The following CACNB4 variants were observed in gnomAD, a reference collection of about 807,000 sequenced individuals.
CACNB4 encodes voltage-dependent L-type calcium channel subunit beta-4.
CACNB4 carries 32 observed loss-of-function variants against 71.2 expected under a neutral mutation model. That is an observed-to-expected ratio of 0.45 (90% CI 0.34 to 0.60). The LOEUF (loss-of-function observed/expected upper bound fraction) is 0.60. CACNB4 is among the 20% of genes least tolerant of loss of function. The pLI is 0.01. For synonymous variants in CACNB4, 231 were observed against 236.9 expected, an observed-to-expected ratio of 0.97 and a Z score of 0.23; for missense variants, 464 against 647.9, an observed-to-expected ratio of 0.72 and a Z score of 3.08.
chr2:151,850,426 T>C (rs4664503), intron 12 of CACNB4: 152,488 of 152,564 alleles, frequency 1, 76,206 homozygotes, highest in Non-Finnish European at 1. Context: ...AGGCATGAGC[T>C]ACTGCACCTG....
chr2:151,853,656 G>A (rs1026360048), intron 11 of CACNB4, 113 bp from the exon 12 acceptor site: 1 of 625,270 alleles, frequency 1.6e-6, no homozygotes, highest in Admixed American at 3.5e-5. Flanking sequence ...GAGAGGAAAT[G>A]CAGTGTGAGA....
In CACNB4 at chr2:151,838,917, T is replaced by C. The variant is rs866330094; in HGVS notation, c.*202A>G. 1.6e-4 allele frequency: 73 copies of C among 467,296 alleles called. No individual in the cohort carries two copies. In the Middle Eastern group the frequency reaches 1.6e-3, roughly 11 times the overall value. The allele number at this position is 467,296 out of a possible 1,614,324, so 28.9% of individuals were successfully genotyped here. On this transcript the variant is annotated 3_prime_UTR_variant, in exon 14 of 14. Coordinates refer to ENST00000539935, the MANE Select transcript of CACNB4 (RefSeq NM_000726.5). ...CATGTAAATGTTGCACTTAAAAATA[T>C]CTATATGATCGGGCATCTAATATCC... is the stretch of plus-strand genomic sequence containing the variant.
Position 152,098,816 on chromosome 2 carries a change from G to A in CACNB4, c.63+133C>T. The stretch of plus-strand genomic sequence containing the variant: ...GAGAAAGGGACGTGGAGGAGGGGTG[G>A]GGGGAGCGGGGCCGCCGACTCCCGG... On this transcript the variant is annotated intron_variant, in intron 1 of 13. Transcript: ENST00000539935. This position sits in a 1 kb window ranked among gnomAD's most constrained non-coding sequence, Gnocchi z 5.3. 3.0e-6 allele frequency: 3 copies of A among 994,286 alleles called. No homozygotes were observed. Among genetic ancestry groups the A allele is most frequent in the South Asian group, 3.3e-5 (2 of 60,242 alleles). The allele number at this position is 994,286 out of a possible 1,614,324, so 61.6% of individuals were successfully genotyped here.
At chr2:151,849,274 C>A (rs1322661072) in intron 12 of CACNB4, among the ~76,000 whole-genome samples, 1 of 151,284 alleles carries the variant, frequency 6.6e-6, no homozygotes, top group Non-Finnish European at 1.5e-5. Context: ...ATTTTTTTTT[C>A]TTTTAAGAGA....
chr2:151,975,655 C>T lies in CACNB4; in HGVS notation c.148-92285G>A, dbSNP rs74709912. On this transcript the variant is annotated intron_variant, in intron 2 of 13. Transcript: ENST00000539935. ...GGCCACGTGGAACCTCGGTTCCCTC[C>T]CCCATACACCAAGAGGACCAGATCA... Among the ~76,000 whole-genome samples the T allele has an allele frequency of 4.5e-3, 687 of 152,236 alleles. 5 individuals carry two copies. The highest frequency in any genetic ancestry group is 0.015 in the African/African-American group (643 of 41,512).
At chr2:151,896,035 G>A (rs2099851968) in intron 2 of CACNB4, among the ~76,000 whole-genome samples, 1 of 151,874 alleles carries the variant, frequency 6.6e-6, no homozygotes, top group Non-Finnish European at 1.5e-5. Context: ...TTGTAGAGAC[G>A]GGGTTTCACC....
At chr2:151,873,683 T>C (rs2099845187) in intron 5 of CACNB4, 1 of 151,618 alleles carries the variant, frequency 6.6e-6, no homozygotes, top group South Asian at 2.1e-4. Context: ...CGGGTGTAAG[T>C]GTGAAGAAAA....
intron 2 of CACNB4, among the ~76,000 whole-genome samples, chr2:152,092,262 T>G (rs1688014099): frequency 6.6e-6 from 1 of 152,272 alleles, no homozygotes; most frequent in Admixed American, 6.5e-5. Flanking sequence ...CATATATACA[T>G]GCCTGTAGGC....
chr2:151,842,758 A>T (rs1219506792), intron 12 of CACNB4, among the ~76,000 whole-genome samples: 2 of 152,178 alleles, frequency 1.3e-5, no homozygotes. Flanking sequence ...CACTCTACAC[A>T]CTTTGGAATA....
At chr2:151,860,607 C>T (rs1281098044) in intron 10 of CACNB4, 104 bp downstream of exon 10, 8 of 803,920 alleles carry the variant, frequency 1.0e-5, no homozygotes, top group Admixed American at 2.0e-5. Flanking sequence ...AGTGCTCCCC[C>T]GTTCAGAATG....
intron 2 of CACNB4, among the ~76,000 whole-genome samples, chr2:152,079,809 A>G (rs1175120105): frequency 1.3e-5 from 2 of 152,092 alleles, no homozygotes; most frequent in African/African-American, 4.8e-5. Flanking sequence ...AATAAAAGTA[A>G]AATCTCCCCC....
At chr2:151,856,164 T>C (rs2099840262) in intron 10 of CACNB4, among the ~76,000 whole-genome samples, 1 of 151,180 alleles carries the variant, frequency 6.6e-6, no homozygotes, top group Non-Finnish European at 1.5e-5. Flanking sequence ...TTTTTTTTTT[T>C]TAAGGAAAAC....
At chr2:151,967,343 A>C (rs1174787835) in intron 2 of CACNB4, 1 of 152,280 alleles carries the variant, frequency 6.6e-6, no homozygotes, top group Non-Finnish European at 1.5e-5. Flanking sequence ...GGTGTGAGCC[A>C]CCGCGCCTGG....
intron 2 of CACNB4, among the ~76,000 whole-genome samples, chr2:151,957,154 A>G (rs1179195391): frequency 6.6e-6 from 1 of 152,020 alleles, no homozygotes; most frequent in Non-Finnish European, 1.5e-5. Flanking sequence ...CTCCATCTCA[A>G]AAAAAAGAAA....
intron 2 of CACNB4, among the ~76,000 whole-genome samples, chr2:151,954,576 G>A (rs1018502023): frequency 4.1e-4 from 63 of 152,204 alleles, no homozygotes; most frequent in East Asian, 1.9e-4. Context: ...GTTCATTTGC[G>A]GGGTTCATTC....
At chr2:151,941,643 G>T (rs2099864282) in intron 2 of CACNB4, among the ~76,000 whole-genome samples, 2 of 151,658 alleles carry the variant, frequency 1.3e-5, no homozygotes, top group South Asian at 2.1e-4. Flanking sequence ...CTCCCCTCAA[G>T]AATCTTATTG....
At chr2:152,026,754 C>T (rs771267934) in intron 2 of CACNB4, among the ~76,000 whole-genome samples, 1 of 152,136 alleles carries the variant, frequency 6.6e-6, no homozygotes, top group African/African-American at 2.4e-5. Context: ...TCTTTCCATT[C>T]TCTCTTGAAC....
intron 9 of CACNB4, among the ~76,000 whole-genome samples, chr2:151,864,832 A>G (rs1288696070): frequency 1.3e-5 from 2 of 152,244 alleles, no homozygotes; most frequent in East Asian, 1.9e-4. Flanking sequence ...AAACACATAT[A>G]TAATGTACAC....
chr2:151,909,806 AT>A (rs2099855750), intron 2 of CACNB4, among the ~76,000 whole-genome samples: 1 of 152,122 alleles, frequency 6.6e-6, no homozygotes, highest in Admixed American at 6.5e-5. Flanking sequence ...CCAGTCTATG[AT>A]TGATGGGCAT....
Sources: gnomAD v4.1 joint callset for allele counts (sites outside exome capture counted in the v4.1 genomes callset) on GRCh38, gnomAD v4.1.1 for gene constraint, Gnocchi (gnomAD v3.1) non-coding constraint, MANE v1.5 for transcripts, NCBI Gene and HGNC (gene_info 2026-07-23, HGNC 2026-07-21) for gene names.